AK8: variants seen among roughly 807,000 people sequenced by gnomAD.
AK8 encodes the protein adenylate kinase 8, also known as ATP-AMP transphosphorylase 8.
A neutral mutation model predicts 54.6 loss-of-function variants in AK8; 44 were observed. That is an observed-to-expected ratio of 0.81 (90% confidence interval 0.63 to 1.04). AK8 has a LOEUF of 1.04. Ranked by LOEUF, AK8 falls within the 50% of genes least tolerant of loss-of-function variation. AK8 has a pLI of 0.00. For synonymous variants in AK8, 239 were observed against 245.6 expected (o/e 0.97, Z 0.25); for missense variants, 555 against 613.6 (o/e 0.90, Z 1.01).
intron 11 of AK8, among the ~76,000 whole-genome samples, chr9:132,750,562 T>C (rs1461381848): frequency 1.3e-5 from 2 of 151,962 alleles, no homozygotes; most frequent in Non-Finnish European, 2.9e-5. Flanking sequence ...TGAGCTTTCA[T>C]TCCAGGAAAA....
At chr9:132,814,803 T>A (rs1430019799) in intron 9 of AK8, 76 bp from the exon 10 acceptor site, 6 of 1,288,750 alleles carry the variant, frequency 4.7e-6, no homozygotes, top group Non-Finnish European at 6.5e-6. Flanking sequence ...GAACCCCCAG[T>A]GCTGCCTGCT....
intron 11 of AK8, among the ~76,000 whole-genome samples, chr9:132,780,175 T>C (rs1445368177): frequency 1.3e-5 from 2 of 151,730 alleles, no homozygotes; most frequent in Non-Finnish European, 2.9e-5. Flanking sequence ...AAAAGGAGAA[T>C]GAACTGAAAG....
chr9:132,744,467 G>A (rs1411048807), intron 11 of AK8, among the ~76,000 whole-genome samples: 1 of 151,040 alleles, frequency 6.6e-6, no homozygotes, highest in Non-Finnish European at 1.5e-5. Context: ...AAAAGGCAAG[G>A]AGGTCATCCT....
chr9:132,827,516 G>A lies in AK8; in HGVS notation c.557-462C>T, dbSNP rs114356469. ...CACAGCGTGAGGCCCGGAAGATCAA[G>A]GGCAGTCCCGTCTCCCCCCACCCTC... On this transcript the variant is annotated intron_variant, in intron 7 of 12. Coordinates refer to ENST00000298545, the MANE Select transcript of AK8 (RefSeq NM_152572.3). 141 of 216,194 alleles carry A rather than the reference G, an allele frequency of 6.5e-4. 1 individual carries two copies. The highest frequency in any genetic ancestry group is 2.8e-3 in the African/African-American group (124 of 43,596). 13.4% of individuals were successfully genotyped at this position (216,194 alleles called of 1,614,324 possible).
intron 11 of AK8, among the ~76,000 whole-genome samples, chr9:132,786,699 C>A (rs1839723014): frequency 6.6e-6 from 1 of 152,172 alleles, no homozygotes; most frequent in African/African-American, 2.4e-5. Context: ...TTCCAAATCG[C>A]TTTTTAGTCT....
chr9:132,727,377 C>A, intron 12 of AK8, 77 bp downstream of exon 12: 1 of 1,352,138 alleles, frequency 7.4e-7, no homozygotes, highest in Non-Finnish European at 1.1e-6. Flanking sequence ...AGTGTTTCCA[C>A]CATGGCATTG....
chr9:132,851,322 C>T (rs1428574217), intron 5 of AK8, among the ~76,000 whole-genome samples: 1 of 152,242 alleles, frequency 6.6e-6, no homozygotes, highest in Non-Finnish European at 1.5e-5. Flanking sequence ...CCCAAGAGAA[C>T]AGGGCAAAGC....
At chr9:132,786,728 C>G (rs1280004493) in intron 11 of AK8, among the ~76,000 whole-genome samples, 1 of 152,042 alleles carries the variant, frequency 6.6e-6, no homozygotes, top group Non-Finnish European at 1.5e-5. Context: ...TAGACGTGAG[C>G]AAACAACCAA....
intron 9 of AK8, among the ~76,000 whole-genome samples, chr9:132,819,354 G>C (rs1313860036): frequency 6.6e-6 from 1 of 152,188 alleles, no homozygotes; most frequent in Non-Finnish European, 1.5e-5. Flanking sequence ...ACGCCATTTT[G>C]TATCAGAGAC....
intron 4 of AK8, among the ~76,000 whole-genome samples, chr9:132,862,682 C>A (rs1194624618): frequency 6.6e-6 from 1 of 152,170 alleles, no homozygotes; most frequent in Non-Finnish European, 1.5e-5. Context: ...CAGGAGTCTT[C>A]ATAGCCACAT....
chr9:132,746,634 C>A (rs1456603696), intron 11 of AK8, among the ~76,000 whole-genome samples: 1 of 152,234 alleles, frequency 6.6e-6, no homozygotes, highest in African/African-American at 2.4e-5. Context: ...CACAAACGCA[C>A]ATGACAGTCG....
At chr9:132,870,023 C>T (rs1186529275) in intron 2 of AK8, among the ~76,000 whole-genome samples, 1 of 152,162 alleles carries the variant, frequency 6.6e-6, no homozygotes, top group Non-Finnish European at 1.5e-5. Flanking sequence ...CCCAACAGGG[C>T]TCAGGGCGCC....
At chr9:132,875,043 G>T in intron 2 of AK8, 72 bp downstream of exon 2, 2 of 1,584,132 alleles carry the variant, frequency 1.3e-6, no homozygotes, top group Non-Finnish European at 1.7e-6. Flanking sequence ...AGGCAGAGGA[G>T]TCAGGGAAGA....
At chr9:132,854,175 C>T (rs914978108) in intron 5 of AK8, among the ~76,000 whole-genome samples, 3 of 152,036 alleles carry the variant, frequency 2.0e-5, no homozygotes, top group African/African-American at 7.2e-5. Context: ...GGTCCAGCCT[C>T]GGTGACAGAG....
chr9:132,849,542 C>T (rs1207637265), intron 5 of AK8, among the ~76,000 whole-genome samples: 2 of 152,224 alleles, frequency 1.3e-5, no homozygotes, highest in African/African-American at 4.8e-5. Flanking sequence ...TATCTGCCCA[C>T]ACCTGGGCAG....
chr9:132,761,863 C>T lies in AK8; in HGVS notation c.1121+30771G>A, dbSNP rs1838490516. Reference sequence around the variant, plus strand: ...TTCTTTCTTCTTTTCTTTTCTTCCTCTCTCTCTCTCTTTTGTTTTCTTTAG... The same window carrying T: ...TTCTTTCTTCTTTTCTTTTCTTCCTTTCTCTCTCTCTTTTGTTTTCTTTAG... On this transcript the variant is annotated intron_variant, in intron 11 of 12. Transcript: ENST00000298545. Among the ~76,000 whole-genome samples the T allele has an allele frequency of 4.0e-5, 6 of 150,214 alleles. No homozygotes were observed. The South Asian group carries it at 1.3e-3, about 32-fold the overall frequency.
chr9:132,749,450 G>A (rs1003526294), intron 11 of AK8, among the ~76,000 whole-genome samples: 8 of 151,876 alleles, frequency 5.3e-5, no homozygotes, highest in Non-Finnish European at 1.2e-4. Context: ...GGCTCTTCAG[G>A]TGCCCCGTGC....
At chr9:132,823,065 A>T in intron 9 of AK8, 140 bp downstream of exon 9, 1 of 1,216,766 alleles carries the variant, frequency 8.2e-7, no homozygotes, top group Non-Finnish European at 1.1e-6. Flanking sequence ...GAAAATGGTT[A>T]AGAACAAAGA....
At chr9:132,787,670 A>G (rs1004090018) in intron 11 of AK8, among the ~76,000 whole-genome samples, 1 of 152,206 alleles carries the variant, frequency 6.6e-6, no homozygotes, top group Non-Finnish European at 1.5e-5. Context: ...TAGAAATAAA[A>G]TATCGAATAT....
Sources: gnomAD v4.1 joint callset for allele counts (sites outside exome capture counted in the v4.1 genomes callset) on GRCh38, gnomAD v4.1.1 for gene constraint, MANE v1.5 for transcripts, NCBI Gene and HGNC (gene_info 2026-07-23, HGNC 2026-07-21) for gene names.